Variants in NDST3 observed in about 807,000 individuals in gnomAD.
The protein encoded by NDST3 is N-deacetylase and N-sulfotransferase 3.
Under a neutral mutation model 96.1 loss-of-function variants are expected in NDST3, and 58 were observed. The ratio of observed to expected loss-of-function variants is 0.60; its 90% CI spans 0.49 to 0.75. The LOEUF (loss-of-function observed/expected upper bound fraction) is 0.75. Among genes scored for constraint, NDST3 ranks in the 30% least tolerant of loss-of-function variants. NDST3 has a pLI of 0.00. For synonymous variants in NDST3, 333 were observed against 359.7 expected (o/e 0.93, Z 0.84); for missense variants, 788 against 1,034.2 (o/e 0.76, Z 3.27).
At chr4:118,084,847 G>A (rs1312193796) in intron 2 of NDST3, among the ~76,000 whole-genome samples, 1 of 152,122 alleles carries the variant, frequency 6.6e-6, no homozygotes, top group African/African-American at 2.4e-5. Flanking sequence ...TGGGCCAAGC[G>A]CGGTGGCTCA....
chr4:118,089,849 T>C (rs928997819), intron 2 of NDST3, among the ~76,000 whole-genome samples: 3 of 151,900 alleles, frequency 2.0e-5, no homozygotes, highest in Admixed American at 6.6e-5. Flanking sequence ...AGACATAAAC[T>C]TTGAGAACAA....
At chr4:118,152,647 T>G (rs1383148129) in intron 6 of NDST3, among the ~76,000 whole-genome samples, 1 of 152,200 alleles carries the variant, frequency 6.6e-6, no homozygotes, top group Non-Finnish European at 1.5e-5. Flanking sequence ...ATATTAATCT[T>G]GCCTTAGTGC....
At chr4:118,091,000 T>C (rs1287936501) in intron 2 of NDST3, among the ~76,000 whole-genome samples, 1 of 151,686 alleles carries the variant, frequency 6.6e-6, no homozygotes, top group African/African-American at 2.4e-5. Context: ...TTTAAAAATA[T>C]GCTGTTAGAT....
chr4:118,112,179 A>G (rs1730695127), intron 3 of NDST3, among the ~76,000 whole-genome samples: 1 of 151,974 alleles, frequency 6.6e-6, no homozygotes, highest in Non-Finnish European at 1.5e-5. Context: ...ATATATGAAT[A>G]TTTTAGTCAC....
chr4:118,091,693 T>C (rs2892790), intron 2 of NDST3, among the ~76,000 whole-genome samples: 114,054 of 151,468 alleles, frequency 0.75, 45,579 homozygotes, highest in South Asian at 0.92. Context: ...ACTCCTGGGA[T>C]CTCTACCCTT....
At chr4:118,128,418 GC>G (rs1732308923) in intron 4 of NDST3, among the ~76,000 whole-genome samples, 1 of 151,920 alleles carries the variant, frequency 6.6e-6, no homozygotes, top group Admixed American at 6.6e-5. Context: ...TTTATCAAAT[GC>G]TTTTTCAGCA....
intron 2 of NDST3, among the ~76,000 whole-genome samples, chr4:118,095,578 C>T (rs1729235968): frequency 6.6e-6 from 1 of 150,796 alleles, no homozygotes; most frequent in Non-Finnish European, 1.5e-5. Flanking sequence ...GTTGTTGATG[C>T]AGGTGAAATT....
chr4:118,126,537 C>CATATATATATATACACATATATAT (rs1266387343), intron 4 of NDST3, among the ~76,000 whole-genome samples: 17 of 20,332 alleles, frequency 8.4e-4, no homozygotes, highest in African/African-American at 1.2e-3. Flanking sequence ...TATATATACA[C>CATATATATATATACACATATATAT]ATATATATAT....
intron 2 of NDST3, among the ~76,000 whole-genome samples, chr4:118,075,133 T>A (rs540452456): frequency 6.6e-6 from 1 of 152,084 alleles, no homozygotes; most frequent in Admixed American, 6.5e-5. Context: ...TTCCTACCTA[T>A]GAGTGAGAAC....
At chr4:118,213,670 C>T (rs573256517) in intron 6 of NDST3, among the ~76,000 whole-genome samples, 3 of 150,208 alleles carry the variant, frequency 2.0e-5, no homozygotes, top group African/African-American at 7.3e-5. Context: ...TCAAGTTATA[C>T]CATACATTAA....
intron 6 of NDST3, among the ~76,000 whole-genome samples, chr4:118,197,888 C>A (rs1303884841): frequency 6.6e-6 from 1 of 151,338 alleles, no homozygotes; most frequent in African/African-American, 2.4e-5. Flanking sequence ...CAACCTCCGC[C>A]TCCTGGATTC....
rs2126018195 is a variant in NDST3 at position 118,255,594 on chromosome 4, G to C, written c.2504G>C (p.Ser835Thr). The change falls in exon 14 of 14, where the codon AGC becomes ACC. Residue 835 changes from serine (S) to threonine (T), a missense_variant and splice_region_variant. By Grantham distance (58) the Ser-to-Thr change is moderately conservative (BLOSUM62 1). Around this residue, in one of 3 missense-constraint regions of NDST3, gnomAD observed 64 missense variants for 68.5 expected, o/e 0.93. Coordinates refer to ENST00000296499, the MANE Select transcript of NDST3 (RefSeq NM_004784.3). ...GRKYPPMDSDSRTFLSSYYRD... is the reference protein window; with the variant it reads ...GRKYPPMDSDTRTFLSSYYRD... ...TTTTCTCTCCTCCTCTCCACTTAGA[G>C]CAGGACATTTCTGTCAAGCTACTAT... The C allele has an allele frequency of 6.2e-7, 1 of 1,610,688 alleles. No homozygotes were observed. The highest frequency in any genetic ancestry group is 1.7e-4 in the Middle Eastern group (1 of 6,052).
chr4:118,043,149 G>T (rs991500229), intron 1 of NDST3, among the ~76,000 whole-genome samples: 2 of 152,112 alleles, frequency 1.3e-5, no homozygotes, highest in African/African-American at 2.4e-5. Flanking sequence ...GTGGGTGAAG[G>T]TTTTATCTAC....
chr4:118,166,015 G>GA (rs979187769), intron 6 of NDST3, among the ~76,000 whole-genome samples: 11 of 148,508 alleles, frequency 7.4e-5, no homozygotes, highest in South Asian at 2.1e-4. Flanking sequence ...CAAGAAACTA[G>GA]AAAAAAAAGA....
intron 6 of NDST3, among the ~76,000 whole-genome samples, chr4:118,175,867 A>G (rs998860799): frequency 6.6e-6 from 1 of 152,116 alleles, no homozygotes; most frequent in Non-Finnish European, 1.5e-5. Context: ...GTGTGTTCTC[A>G]GTGTGGAATT....
At position 118,053,778 on chromosome 4, in the gene NDST3, A is replaced by G; in HGVS notation, c.-133A>G. ...CAGACTGTATTTTCTGTGAGTCCTG[A>G]TCAAGTGATACAAATGAGCTGCAAT... is the stretch of plus-strand genomic sequence containing the variant. On this transcript the variant is annotated 5_prime_UTR_variant, in exon 2 of 14. Transcript: ENST00000296499. 1 of 932,214 alleles carries G rather than the reference A, an allele frequency of 1.1e-6. No homozygotes were observed. Among genetic ancestry groups the G allele is most frequent in the Non-Finnish European group, 1.6e-6 (1 of 631,046 alleles). The allele number at this position is 932,214 out of a possible 1,614,324, so 57.7% of individuals were successfully genotyped here. A position where few individuals can be genotyped will look rare whatever the true frequency, so the allele number is the denominator to read the frequency against.
intron 6 of NDST3, among the ~76,000 whole-genome samples, chr4:118,196,258 T>C (rs1737677465): frequency 6.6e-6 from 1 of 152,210 alleles, no homozygotes; most frequent in South Asian, 2.1e-4. Context: ...AATACCTTGT[T>C]GAGGCCTTTT....
intron 6 of NDST3, among the ~76,000 whole-genome samples, chr4:118,152,577 G>A (rs1028634183): frequency 5.9e-5 from 9 of 152,058 alleles, no homozygotes; most frequent in Non-Finnish European, 8.8e-5. Context: ...TGATGAGGTC[G>A]CTTTACTTAC....
intron 4 of NDST3, among the ~76,000 whole-genome samples, chr4:118,132,931 A>G (rs1732756341): frequency 6.6e-6 from 1 of 152,154 alleles, no homozygotes; most frequent in African/African-American, 2.4e-5. Context: ...GCCGGTATCC[A>G]AGATGCAAGA....
Sources: gnomAD v4.1 joint callset for allele counts (sites outside exome capture counted in the v4.1 genomes callset) on GRCh38, gnomAD v4.1.1 for gene constraint, gnomAD v4.1.1 regional missense constraint, MANE v1.5 for transcripts, NCBI Gene and HGNC (gene_info 2026-07-23, HGNC 2026-07-21) for gene names.